The following GRIK1 variants were observed in gnomAD, a reference collection of about 807,000 sequenced individuals.
The protein encoded by GRIK1 is glutamate receptor ionotropic, kainate 1.
GRIK1 carries 69 observed loss-of-function variants against 105.7 expected under a neutral mutation model. The ratio of observed to expected loss-of-function variants is 0.65; its 90% CI spans 0.54 to 0.80. GRIK1 has a LOEUF of 0.80. GRIK1 is among the 30% of genes least tolerant of loss of function. The pLI, the probability that GRIK1 is intolerant of heterozygous loss-of-function variation, is 0.00. For missense variants in GRIK1, 1,109 were observed against 1,167.3 expected, an observed-to-expected ratio of 0.95 and a Z score of 0.73; for synonymous variants, 438 against 431.3, an observed-to-expected ratio of 1.02 and a Z score of -0.19.
intron 1 of GRIK1, among the ~76,000 whole-genome samples, chr21:29,806,107 T>C (rs924273715): frequency 4.6e-5 from 7 of 152,324 alleles, no homozygotes; most frequent in Middle Eastern, 3.4e-3. Context: ...ACTGTATGCA[T>C]TTATTTTATA....
chr21:29,537,066 A>G lies in GRIK1; in HGVS notation c.*164T>C. 1 of 410,044 alleles carries G rather than the reference A, an allele frequency of 2.4e-6. No individual in the cohort carries two copies. The highest frequency in any genetic ancestry group is 3.6e-5 in the East Asian group (1 of 27,420). 25.4% of individuals were successfully genotyped at this position (410,044 alleles called of 1,614,324 possible). A position where few individuals can be genotyped will look rare whatever the true frequency, so the allele number is the denominator to read the frequency against. On this transcript the variant is annotated 3_prime_UTR_variant, in exon 18 of 18. Coordinates refer to ENST00000327783, the MANE Select transcript of GRIK1 (RefSeq NM_001330994.2). Reference sequence around the variant, plus strand: ...AAGAACTGGTGTCACTTCCCAAGTCATATCTATGTGAGCTTTTTAAACTTT... The same window carrying G: ...AAGAACTGGTGTCACTTCCCAAGTCGTATCTATGTGAGCTTTTTAAACTTT...
At chr21:29,792,252 G>T (rs539094149) in intron 1 of GRIK1, among the ~76,000 whole-genome samples, 1 of 152,240 alleles carries the variant, frequency 6.6e-6, no homozygotes, top group South Asian at 2.1e-4. Context: ...ACTGGAATAA[G>T]AGGTGCTTTC....
chr21:29,577,287 G>T (rs193290209), intron 13 of GRIK1, 106 bp from the exon 14 acceptor site: 1 of 628,668 alleles, frequency 1.6e-6, no homozygotes, highest in Non-Finnish European at 2.8e-6. Context: ...AAGACTTACC[G>T]TCTTGTAGGT....
intron 1 of GRIK1, among the ~76,000 whole-genome samples, chr21:29,840,724 A>C (rs1171357259): frequency 1.3e-5 from 2 of 152,190 alleles, no homozygotes; most frequent in African/African-American, 2.4e-5. Context: ...CTGAACAATT[A>C]ATGACTTTTT....
At chr21:29,847,638 T>A (rs1472550439) in intron 1 of GRIK1, among the ~76,000 whole-genome samples, 1 of 152,074 alleles carries the variant, frequency 6.6e-6, no homozygotes, top group East Asian at 1.9e-4. Flanking sequence ...CTCTGCATAA[T>A]CTTCTCACAT....
intron 12 of GRIK1, among the ~76,000 whole-genome samples, chr21:29,585,761 G>A (rs530654150): frequency 6.6e-6 from 1 of 152,178 alleles, no homozygotes; most frequent in African/African-American, 2.4e-5. Flanking sequence ...CCATTCCGAG[G>A]CAATATTAAC....
chr21:29,709,153 T>A (rs1025979740), intron 1 of GRIK1, among the ~76,000 whole-genome samples: 1 of 152,198 alleles, frequency 6.6e-6, no homozygotes, highest in Admixed American at 6.5e-5. Flanking sequence ...TGTCATATAA[T>A]TTAATTTCTG....
intron 1 of GRIK1, among the ~76,000 whole-genome samples, chr21:29,845,148 T>C (rs762844319): frequency 5.9e-5 from 9 of 152,194 alleles, no homozygotes; most frequent in Non-Finnish European, 1.3e-4. Flanking sequence ...TGGGTGCCTA[T>C]CTAGAATCAC....
In GRIK1 at chr21:29,670,699, G is replaced by T. The variant is rs531177560; in HGVS notation, c.726+2284C>A. ...TTACAACAGGCCCCTGGGAAGGGATGCTTCTTTGCCTTTTGAGGGCTACAC... is the reference window on the plus strand; with the variant it reads ...TTACAACAGGCCCCTGGGAAGGGATTCTTCTTTGCCTTTTGAGGGCTACAC... On this transcript the variant is annotated intron_variant, in intron 4 of 17. Coordinates refer to ENST00000327783, the MANE Select transcript of GRIK1 (RefSeq NM_001330994.2). 4.2e-4 allele frequency among the ~76,000 whole-genome samples: 64 copies of T among 152,298 alleles called. 2 individuals carry two copies. In the Middle Eastern group the frequency reaches 0.01, roughly 24 times the overall value.
chr21:29,538,012 C>T lies in GRIK1; in HGVS notation c.2608-128G>A. The T allele has an allele frequency of 4.9e-6, 3 of 611,860 alleles. No individual in the cohort carries two copies. In the South Asian group the frequency reaches 6.3e-5, roughly 13 times the overall value. 37.9% of individuals were successfully genotyped at this position (611,860 alleles called of 1,614,324 possible). A position where few individuals can be genotyped will look rare whatever the true frequency, so the allele number is the denominator to read the frequency against. On this transcript the variant is annotated intron_variant, in intron 16 of 17. Transcript: ENST00000327783. ...AATAATGTGGTACTGAACTTCACAG[C>T]AAAAACGATGGCATAATACAAAAGA... is the stretch of plus-strand genomic sequence containing the variant.
intron 1 of GRIK1, among the ~76,000 whole-genome samples, chr21:29,906,617 T>G (rs1033296520): frequency 2.0e-5 from 3 of 152,110 alleles, no homozygotes; most frequent in Non-Finnish European, 4.4e-5. Context: ...TGAAGAGGTT[T>G]AAGAAATAGT....
At chr21:29,904,975 A>AC (rs1227565606) in intron 1 of GRIK1, among the ~76,000 whole-genome samples, 1 of 152,122 alleles carries the variant, frequency 6.6e-6, no homozygotes, top group African/African-American at 2.4e-5. Context: ...ACACCGCTAT[A>AC]CGTGCTGCAG....
intron 1 of GRIK1, among the ~76,000 whole-genome samples, chr21:29,719,356 T>G (rs2064262814): frequency 6.6e-6 from 1 of 152,008 alleles, no homozygotes; most frequent in African/African-American, 2.4e-5. Flanking sequence ...CTGAGTCAAT[T>G]GTAAAAGCAA....
At chr21:29,849,940 CCT>C (rs2068252238) in intron 1 of GRIK1, among the ~76,000 whole-genome samples, 1 of 152,110 alleles carries the variant, frequency 6.6e-6, no homozygotes, top group Admixed American at 6.5e-5. Flanking sequence ...GTGGATGGCC[CCT>C]GTTACTGGAG....
intron 1 of GRIK1, among the ~76,000 whole-genome samples, chr21:29,848,940 C>T (rs1215845216): frequency 6.6e-6 from 1 of 151,588 alleles, no homozygotes; most frequent in East Asian, 1.9e-4. Flanking sequence ...TCTCCCATGC[C>T]AAATGTTTCT....
chr21:29,621,729 A>C (rs576381192), intron 7 of GRIK1, among the ~76,000 whole-genome samples: 1 of 152,256 alleles, frequency 6.6e-6, no homozygotes, highest in East Asian at 1.9e-4. Flanking sequence ...TTTCCCAGTA[A>C]GTAGCCTCAA....
chr21:29,709,111 G>T (rs1337738686), intron 1 of GRIK1, among the ~76,000 whole-genome samples: 1 of 151,786 alleles, frequency 6.6e-6, no homozygotes, highest in Admixed American at 6.6e-5. Flanking sequence ...ATTTCTTACT[G>T]ATCTGTTATA....
chr21:29,892,287 G>C (rs912800682), intron 1 of GRIK1, among the ~76,000 whole-genome samples: 5 of 152,214 alleles, frequency 3.3e-5, no homozygotes, highest in Non-Finnish European at 7.3e-5. Flanking sequence ...TAAGCAGAAA[G>C]CAACACCTTT....
intron 1 of GRIK1, among the ~76,000 whole-genome samples, chr21:29,817,954 C>T (rs911648240): frequency 3.9e-5 from 6 of 152,008 alleles, no homozygotes; most frequent in South Asian, 2.1e-4. Flanking sequence ...GGGTTAGGCA[C>T]GATTATTCCT....
Sources: gnomAD v4.1 joint callset for allele counts (sites outside exome capture counted in the v4.1 genomes callset) on GRCh38, gnomAD v4.1.1 for gene constraint, MANE v1.5 for transcripts, NCBI Gene and HGNC (gene_info 2026-07-23, HGNC 2026-07-21) for gene names.